Variants in SHLD3 observed in about 807,000 individuals in gnomAD.
The protein encoded by SHLD3 is shieldin complex subunit 3.
SHLD3 carries 15 observed loss-of-function variants against 21.4 expected under a neutral mutation model. That is an observed-to-expected ratio of 0.70 (90% confidence interval 0.47 to 1.08). The LOEUF (loss-of-function observed/expected upper bound fraction) is 1.08. SHLD3 is among the 50% of genes least tolerant of loss of function. The pLI is 0.00. For synonymous variants in SHLD3, 103 were observed against 97.2 expected (o/e 1.06, Z -0.35); for missense variants, 273 against 286.1 (o/e 0.95, Z 0.33).
In SHLD3 at chr5:65,629,925, A is replaced by C. The variant is rs1385728545; in HGVS notation, c.338A>C (p.Asn113Thr). ...TCACACACACTGAAGGAACAGACTA[A>C]TTCTGGAAATCTGGGTAAACAATCA... ...TWSHTLKEQT[N>T]SGNLGKQSEK... The change falls in exon 2 of 2, where the codon AAT becomes ACT. Residue 113 changes from asparagine to threonine, a missense_variant. By Grantham distance (65) the Asn-to-Thr change is moderately conservative. Transcript: ENST00000510585. 1 of 1,536,002 alleles carries C rather than the reference A, an allele frequency of 6.5e-7. No individual in the cohort carries two copies. Among genetic ancestry groups the C allele is most frequent in the East Asian group, 2.4e-5 (1 of 40,926 alleles).
At position 65,626,777 on chromosome 5, in the gene SHLD3, G is replaced by A. The variant is rs963730856; in HGVS notation, c.-121+1671G>A. ...AAAAGTTAAATTCCAGTGATACAGA[G>A]ACTGCCACTGGGAATTTTTAGTTTT... On this transcript the variant is annotated intron_variant, in intron 1 of 1. Transcript: ENST00000510585. 1.6e-4 allele frequency among the ~76,000 whole-genome samples: 24 copies of A among 151,740 alleles called. 1 individual carries two copies. The highest frequency in any genetic ancestry group is 1.5e-5 in the Non-Finnish European group (1 of 67,948).
Position 65,630,347 on chromosome 5 carries a change from C to T in SHLD3, c.*7C>T, listed in dbSNP as rs35217736. ...TGTTATTTTTAGTATGTAATGAATT[C>T]CACTGATTGTCAAAAAGAATATTCT... On this transcript the variant is annotated 3_prime_UTR_variant, in exon 2 of 2. Transcript: ENST00000510585. 0.025 allele frequency: 37,605 copies of T among 1,476,990 alleles called. 852 individuals are homozygous for T. Among genetic ancestry groups the T allele is most frequent in the Middle Eastern group, 0.079 (425 of 5,362 alleles). The allele number at this position is 1,476,990 out of a possible 1,614,324, so 91.5% of individuals were successfully genotyped here. A position where few individuals can be genotyped will look rare whatever the true frequency, so the allele number is the denominator to read the frequency against.
Position 65,629,788 on chromosome 5 carries a change from T to C in SHLD3, c.201T>C (p.Asp67=). The C allele has an allele frequency of 1.3e-6, 2 of 1,536,104 alleles. No homozygotes were observed. Among genetic ancestry groups the C allele is most frequent in the Middle Eastern group, 1.7e-4 (1 of 5,990 alleles). ...PPVISEEAAE[D]VKQYLTISEH... Reference sequence around the variant, plus strand: ...TGATTTCTGAAGAGGCAGCTGAAGATGTGAAACAGTACTTAACCATTTCAG... The same window carrying C: ...TGATTTCTGAAGAGGCAGCTGAAGACGTGAAACAGTACTTAACCATTTCAG... Residue 67 remains aspartate, a synonymous_variant, in exon 2 of 2, where the codon GAT becomes GAC. Transcript: ENST00000510585.
intron 1 of SHLD3, among the ~76,000 whole-genome samples, chr5:65,627,054 C>T (rs2150656194): frequency 7.2e-6 from 1 of 138,022 alleles, no homozygotes; most frequent in Non-Finnish European, 1.5e-5. Flanking sequence ...ACCGCTTGAA[C>T]CTGGGAGGCA....
At position 65,625,058 on chromosome 5, in the gene SHLD3, A is replaced by G. The variant is rs776801772; in HGVS notation, c.-169A>G. ...AGGCTGTGGGTCAAAAGTGCCGGTC[A>G]AAATGGAAGTGAATCCCCCTAAACA... On this transcript the variant is annotated 5_prime_UTR_variant, in exon 1 of 2. Coordinates refer to ENST00000510585, the MANE Select transcript of SHLD3 (RefSeq NM_001365341.2). 4 of 1,613,662 alleles carry G rather than the reference A, an allele frequency of 2.5e-6. No individual in the cohort carries two copies. Among genetic ancestry groups the G allele is most frequent in the Non-Finnish European group, 2.5e-6 (3 of 1,179,622 alleles).
rs1486132878 is a variant in SHLD3, at chr5:65,625,052, C to T, written c.-175C>T. ...CCCCGTAGGCTGTGGGTCAAAAGTG[C>T]CGGTCAAAATGGAAGTGAATCCCCC... On this transcript the variant is annotated 5_prime_UTR_variant, in exon 1 of 2. Transcript: ENST00000510585. 6.2e-7 allele frequency: 1 copy of T among 1,613,112 alleles called. No individual in the cohort carries two copies. The highest frequency in any genetic ancestry group is 1.7e-5 in the Admixed American group (1 of 60,006).
rs1561760816 is a variant in SHLD3 at position 65,629,539 on chromosome 5, T to G, written c.-49T>G. 2.0e-6 allele frequency: 3 copies of G among 1,467,226 alleles called. No individual in the cohort carries two copies. Among genetic ancestry groups the G allele is most frequent in the African/African-American group, 1.4e-5 (1 of 70,698 alleles). 90.9% of individuals were successfully genotyped at this position (1,467,226 alleles called of 1,614,324 possible). On this transcript the variant is annotated 5_prime_UTR_variant, in exon 2 of 2. Coordinates refer to ENST00000510585, the MANE Select transcript of SHLD3 (RefSeq NM_001365341.2). ...AAATTAACATTCTAGCTCTGAGGAG[T>G]TCAACTAAGAAATTTTCTCATCACT...
In SHLD3 at chr5:65,630,407, A is replaced by C. The variant is rs1212887502; in HGVS notation, c.*67A>C. 5 of 1,402,582 alleles carry C rather than the reference A, an allele frequency of 3.6e-6. No homozygotes were observed. The highest frequency in any genetic ancestry group is 4.6e-6 in the Non-Finnish European group (5 of 1,083,438). 86.9% of individuals were successfully genotyped at this position (1,402,582 alleles called of 1,614,324 possible). The stretch of plus-strand genomic sequence containing the variant: ...GAATATGGATTGAAATAGATAAAAT[A>C]ATTTTTACAGGTTTTAAAATTTTTA... On this transcript the variant is annotated 3_prime_UTR_variant, in exon 2 of 2. Transcript: ENST00000510585.
At chr5:65,627,154 A>AAAAAAAAAAAAAAAAAAAAAAAAAAC (rs1755279754) in intron 1 of SHLD3, among the ~76,000 whole-genome samples, 1 of 150,264 alleles carries the variant, frequency 6.7e-6, no homozygotes, top group Non-Finnish European at 1.5e-5. Flanking sequence ...AAAAAAAAAA[A>AAAAAAAAAAAAAAAAAAAAAAAAAAC]AAAGAACAAT....
At position 65,629,788 on chromosome 5, in the gene SHLD3, T is replaced by A. The variant is rs1293052277; in HGVS notation, c.201T>A (p.Asp67Glu). ...TGATTTCTGAAGAGGCAGCTGAAGA[T>A]GTGAAACAGTACTTAACCATTTCAG... ...PPVISEEAAE[D>E]VKQYLTISEH... The change falls in exon 2 of 2, where the codon GAT (aspartate) becomes GAA (glutamate). Residue 67 changes from aspartate to glutamate, a missense_variant. Transcript: ENST00000510585. 2 of 1,535,986 alleles carry A rather than the reference T, an allele frequency of 1.3e-6. No individual in the cohort carries two copies. Among genetic ancestry groups the A allele is most frequent in the African/African-American group, 2.7e-5 (2 of 73,054 alleles).
At chr5:65,629,153 T>G (rs1406277371) in intron 1 of SHLD3, among the ~76,000 whole-genome samples, 1 of 152,220 alleles carries the variant, frequency 6.6e-6, no homozygotes, top group Non-Finnish European at 1.5e-5. Context: ...TTGTTTCTGC[T>G]AAAGTTTTAA....
chr5:65,626,596 CGTG>C (rs1365780838), intron 1 of SHLD3, among the ~76,000 whole-genome samples: 1 of 152,060 alleles, frequency 6.6e-6, no homozygotes, highest in African/African-American at 2.4e-5. Flanking sequence ...GTTAGCCAGG[CGTG>C]GTGGCGGGCG....
Position 65,630,286 on chromosome 5 carries a change from T to TA in SHLD3, c.700dup (p.Thr234AsnfsTer5), listed in dbSNP as rs766461462. On this transcript the variant is annotated frameshift_variant, in exon 2 of 2. Coordinates refer to ENST00000510585, the MANE Select transcript of SHLD3 (RefSeq NM_001365341.2). LOFTEE classifies it high-confidence loss of function. ...GTCTTCTTAAAGGAAGATTAGCTCT[T>TA]ACTGGAAAAATTAATTTATTTGTGC... is the stretch of plus-strand genomic sequence containing the variant. 3.9e-6 allele frequency: 6 copies of TA among 1,532,454 alleles called. No individual in the cohort carries two copies. The Admixed American group carries it at 7.9e-5, about 20-fold the overall frequency. 94.9% of individuals were successfully genotyped at this position (1,532,454 alleles called of 1,614,324 possible). A position where few individuals can be genotyped will look rare whatever the true frequency, so the allele number is the denominator to read the frequency against.
intron 1 of SHLD3, among the ~76,000 whole-genome samples, chr5:65,628,883 T>A (rs889486775): frequency 9.9e-5 from 15 of 151,732 alleles, no homozygotes; most frequent in African/African-American, 3.6e-4. Context: ...AGTGGCATGA[T>A]CTTGGCTCAC....
At position 65,625,109 on chromosome 5, in the gene SHLD3, A is replaced by G. The variant is rs1030066983; in HGVS notation, c.-121+3A>G. 6.2e-7 allele frequency: 1 copy of G among 1,612,932 alleles called. No homozygotes were observed. Among genetic ancestry groups the G allele is most frequent in the Non-Finnish European group, 8.5e-7 (1 of 1,178,958 alleles). On this transcript the variant is annotated splice_donor_region_variant and intron_variant, in intron 1 of 1. Coordinates refer to ENST00000510585, the MANE Select transcript of SHLD3 (RefSeq NM_001365341.2). ...GGAGCACCTGCTGGCGCTAAAAGGT[A>G]AACTTTTGCGAACCTGATTCCCCCT...
At chr5:65,628,877 G>A (rs1389709761) in intron 1 of SHLD3, among the ~76,000 whole-genome samples, 1 of 151,362 alleles carries the variant, frequency 6.6e-6, no homozygotes, top group Non-Finnish European at 1.5e-5. Context: ...AGGCTGAGTG[G>A]CATGATCTTG....
At position 65,629,493 on chromosome 5, in the gene SHLD3, G is replaced by A; in HGVS notation, c.-95G>A. On this transcript the variant is annotated 5_prime_UTR_variant, in exon 2 of 2. Transcript: ENST00000510585. ...GTCCTGTTTCCCTCTGATTTGGCAA[G>A]AGAGACAATCTTGCAATAATAAATT... 1 of 1,433,656 alleles carries A rather than the reference G, an allele frequency of 7.0e-7. No individual in the cohort carries two copies. Among genetic ancestry groups the A allele is most frequent in the African/African-American group, 1.4e-5 (1 of 69,826 alleles). 88.8% of individuals were successfully genotyped at this position (1,433,656 alleles called of 1,614,324 possible).
chr5:65,625,122 C>T lies in SHLD3; in HGVS notation c.-121+16C>T, dbSNP rs758856093. The T allele has an allele frequency of 1.9e-6, 3 of 1,606,378 alleles. No homozygotes were observed. The highest frequency in any genetic ancestry group is 3.3e-5 in the Admixed American group (2 of 60,002). On this transcript the variant is annotated intron_variant, in intron 1 of 1. Transcript: ENST00000510585. ...GCGCTAAAAGGTAAACTTTTGCGAA[C>T]CTGATTCCCCCTTTTCTGTTTCCTT...
Position 65,630,280 on chromosome 5 carries a change from A to G in SHLD3, c.693A>G (p.Leu231=), listed in dbSNP as rs1755475720. The change falls in exon 2 of 2, where the codon TTA becomes TTG. Residue 231 remains leucine (L), a synonymous_variant. Transcript: ENST00000510585. Reference sequence around the variant, plus strand: ...TGGGAAGTCTTCTTAAAGGAAGATTAGCTCTTACTGGAAAAATTAATTTAT... The same window carrying G: ...TGGGAAGTCTTCTTAAAGGAAGATTGGCTCTTACTGGAAAAATTAATTTAT... ...EYVGSLLKGR[L]ALTGKINLFV... 6.5e-7 allele frequency: 1 copy of G among 1,533,358 alleles called. No individual in the cohort carries two copies. Among genetic ancestry groups the G allele is most frequent in the African/African-American group, 1.4e-5 (1 of 72,932 alleles). 95.0% of individuals were successfully genotyped at this position (1,533,358 alleles called of 1,614,324 possible).
Sources: allele counts gnomAD v4.1 joint callset (sites outside exome capture counted in the v4.1 genomes callset), GRCh38; gene constraint gnomAD v4.1.1; transcripts MANE v1.5; gene names NCBI Gene and HGNC (gene_info 2026-07-23, HGNC 2026-07-21).